Variants in PCDHGA5 observed in about 807,000 individuals in gnomAD.
The protein encoded by PCDHGA5 is protocadherin gamma-A5.
In PCDHGA5, 36 loss-of-function variants were observed where a neutral mutation model predicts 56.7. The ratio of observed to expected loss-of-function variants is 0.64; its 90% CI spans 0.49 to 0.84. The LOEUF (loss-of-function observed/expected upper bound fraction) is 0.84. Among genes scored for constraint, PCDHGA5 ranks in the 40% least tolerant of loss-of-function variants. PCDHGA5 has a pLI of 0.00. For missense variants in PCDHGA5, 1,305 were observed against 1,201.5 expected, an observed-to-expected ratio of 1.09 and a Z score of -1.27; for synonymous variants, 563 against 520.2, an observed-to-expected ratio of 1.08 and a Z score of -1.12.
intron 1 of PCDHGA5, chr5:141,384,854 C>T: frequency 6.2e-7 from 1 of 1,613,702 alleles, no homozygotes; most frequent in Non-Finnish European, 8.5e-7. Context: ...CACGGTCAGC[C>T]TCCTCTGTCA....
At chr5:141,445,257 A>G (rs1253126709) in intron 1 of PCDHGA5, among the ~76,000 whole-genome samples, 3 of 152,152 alleles carry the variant, frequency 2.0e-5, no homozygotes, top group African/African-American at 2.4e-5. Context: ...GTGTGAGAAT[A>G]TAAGTCGAAA....
rs1310227506 is a variant in PCDHGA5, at chr5:141,432,214, CCAGATCACTTATTCCCTGG to C, written c.2422-62591_2422-62573del. ...ACGACCCCGACTGTGAAGAGAACGC[CCAGATCACTTATTCCCTGG>C]CTGAGAACACCATCCAAGGGGCAAG... is the stretch of plus-strand genomic sequence containing the variant. On this transcript the variant is annotated intron_variant, in intron 1 of 3. Transcript: ENST00000518069. This position sits in a 1 kb window ranked among gnomAD's most constrained non-coding sequence, Gnocchi z 6.0. 3.1e-6 allele frequency: 5 copies of C among 1,614,236 alleles called. No homozygotes were observed. The highest frequency in any genetic ancestry group is 4.2e-6 in the Non-Finnish European group (5 of 1,180,050).
chr5:141,384,553 G>C, intron 1 of PCDHGA5: 1 of 1,614,270 alleles, frequency 6.2e-7, no homozygotes, highest in Non-Finnish European at 8.5e-7. Context: ...GAGCCTGTTC[G>C]TGCTGGACCA....
chr5:141,478,210 A>G, intron 1 of PCDHGA5: 1 of 1,614,064 alleles, frequency 6.2e-7, no homozygotes, highest in East Asian at 2.2e-5. Flanking sequence ...TTCTTTCTCT[A>G]ATCCTGGTTT....
chr5:141,388,118 C>G (rs771996326), intron 1 of PCDHGA5: 1 of 1,412,700 alleles, frequency 7.1e-7, no homozygotes, highest in African/African-American at 1.4e-5. Flanking sequence ...TCACCGTGAG[C>G]GCAGAGAGCG....
At chr5:141,394,868 C>T in intron 1 of PCDHGA5, 1 of 1,613,828 alleles carries the variant, frequency 6.2e-7, no homozygotes, top group Non-Finnish European at 8.5e-7. Flanking sequence ...TCGACCCGAA[C>T]GATTCGAGCC....
At chr5:141,417,772 C>A (rs2240701) in intron 1 of PCDHGA5, 340,590 of 1,455,726 alleles carry the variant, frequency 0.23, 43,476 homozygotes, top group African/African-American at 0.5. Flanking sequence ...GGGACTCCTC[C>A]TGTCCTGGGC....
chr5:141,467,376 A>G (rs1391386659), intron 1 of PCDHGA5, among the ~76,000 whole-genome samples: 2 of 151,990 alleles, frequency 1.3e-5, no homozygotes. Flanking sequence ...CTTATATTGC[A>G]TTTAGGTTTT....
At chr5:141,461,951 G>C (rs1419637040) in intron 1 of PCDHGA5, among the ~76,000 whole-genome samples, 1 of 152,186 alleles carries the variant, frequency 6.6e-6, no homozygotes, top group African/African-American at 2.4e-5. Context: ...AACCTCCTGA[G>C]TAGCTGGGAT....
Position 141,365,399 on chromosome 5 carries a change from T to C in PCDHGA5, c.1069T>C (p.Ser357Pro). 2 of 1,614,008 alleles carry C rather than the reference T, an allele frequency of 1.2e-6. No individual in the cohort carries two copies. The highest frequency in any genetic ancestry group is 1.7e-6 in the Non-Finnish European group (2 of 1,179,896). Reference sequence around the variant, plus strand: ...CCTCACCTCTCTGACCAGTTCGATCTCTGAAGACTGTCTTCCCGGAACTGT... The same window carrying C: ...CCTCACCTCTCTGACCAGTTCGATCCCTGAAGACTGTCTTCCCGGAACTGT... ...VILTSLTSSI[S>P]EDCLPGTVIA... Residue 357 changes from serine (S) to proline (P), a missense_variant, in exon 1 of 4, where the codon TCT becomes CCT. By Grantham distance (74) the Ser-to-Pro change is moderately conservative. Transcript: ENST00000518069.
chr5:141,464,271 A>AT (rs1336006891), intron 1 of PCDHGA5, among the ~76,000 whole-genome samples: 1 of 136,538 alleles, frequency 7.3e-6, no homozygotes, highest in Non-Finnish European at 1.5e-5. Flanking sequence ...TCTAAAAAAA[A>AT]AAAAAAGCAA....
At position 141,477,539 on chromosome 5, in the gene PCDHGA5, C is replaced by G; in HGVS notation, c.2422-17268C>G. 2 of 1,614,172 alleles carry G rather than the reference C, an allele frequency of 1.2e-6. No individual in the cohort carries two copies. The highest frequency in any genetic ancestry group is 1.7e-6 in the Non-Finnish European group (2 of 1,180,030). On this transcript the variant is annotated intron_variant, in intron 1 of 3. Transcript: ENST00000518069. The surrounding 1 kb of genome is among the most constrained non-coding windows in gnomAD (Gnocchi z 4.9). ...TGAAGAAAACAACCTCCCCGGGGCT[C>G]CAATACTAAACCTAAGTGTCTGGGA...
chr5:141,478,726 G>A, intron 1 of PCDHGA5: 2 of 1,540,996 alleles, frequency 1.3e-6, no homozygotes, highest in Non-Finnish European at 1.8e-6. Context: ...GCCTGCCAGA[G>A]TGTGGTTTGT....
At chr5:141,450,006 CTT>C (rs1554136305) in intron 1 of PCDHGA5, among the ~76,000 whole-genome samples, 13 of 132,938 alleles carry the variant, frequency 9.8e-5, no homozygotes, top group Non-Finnish European at 7.9e-5. Flanking sequence ...TGCCATGTCT[CTT>C]TTTTTTTTTT....
chr5:141,494,781 C>T, intron 1 of PCDHGA5, 26 bp from the exon 2 acceptor site: 1 of 1,614,074 alleles, frequency 6.2e-7, no homozygotes, highest in African/African-American at 1.3e-5. Flanking sequence ...GGGTACTCAG[C>T]CCCTTTCCCT....
chr5:141,369,686 T>A (rs1449801725), intron 1 of PCDHGA5, among the ~76,000 whole-genome samples: 1 of 152,156 alleles, frequency 6.6e-6, no homozygotes, highest in Non-Finnish European at 1.5e-5. Context: ...AAACATAGAA[T>A]AAAACTAAAA....
At chr5:141,396,792 A>G (rs2093435420) in intron 1 of PCDHGA5, among the ~76,000 whole-genome samples, 1 of 152,202 alleles carries the variant, frequency 6.6e-6, no homozygotes, top group Non-Finnish European at 1.5e-5. Flanking sequence ...GACATTTCCT[A>G]AGGATTGTGT....
chr5:141,445,224 G>A (rs1016307216), intron 1 of PCDHGA5, among the ~76,000 whole-genome samples: 6 of 152,194 alleles, frequency 3.9e-5, no homozygotes, highest in Admixed American at 2.0e-4. Context: ...GAGGTGCAAA[G>A]TGCTCTATTC....
At chr5:141,451,365 G>A (rs557753113) in intron 1 of PCDHGA5, among the ~76,000 whole-genome samples, 2 of 152,234 alleles carry the variant, frequency 1.3e-5, no homozygotes, top group South Asian at 4.1e-4. Context: ...GGATGGATCC[G>A]CTTCTAATCT....
Sources: gnomAD v4.1 joint callset for allele counts (sites outside exome capture counted in the v4.1 genomes callset) on GRCh38, gnomAD v4.1.1 for gene constraint, Gnocchi (gnomAD v3.1) non-coding constraint, MANE v1.5 for transcripts, NCBI Gene and HGNC (gene_info 2026-07-23, HGNC 2026-07-21) for gene names.